RNF6: variants seen among roughly 807,000 people sequenced by gnomAD.
RNF6 encodes the protein ring finger protein 6.
RNF6 carries 21 observed loss-of-function variants against 50.1 expected under a neutral mutation model. That is an observed-to-expected ratio of 0.42 (90% confidence interval 0.30 to 0.60). The LOEUF is 0.60. RNF6 is among the 20% of genes least tolerant of loss of function. RNF6 has a pLI of 0.20. For synonymous variants in RNF6, 255 were observed against 291.8 expected, an observed-to-expected ratio of 0.87 and a Z score of 1.29; for missense variants, 698 against 838.2, an observed-to-expected ratio of 0.83 and a Z score of 2.07.
chr13:26,205,547 A>C (rs371791711), intron 5 of RNF6, among the ~76,000 whole-genome samples: 1 of 152,336 alleles, frequency 6.6e-6, no homozygotes. Context: ...CGTGGTCAAG[A>C]TAGTGAAACC....
At chr13:26,138,832 T>C (rs188018422) in intron 5 of RNF6, among the ~76,000 whole-genome samples, 1 of 152,350 alleles carries the variant, frequency 6.6e-6, no homozygotes, top group East Asian at 1.9e-4. Flanking sequence ...GTTTCTGGAT[T>C]CTCCACTGTC....
chr13:26,136,343 G>T (rs1475480802), intron 5 of RNF6, among the ~76,000 whole-genome samples: 3 of 152,162 alleles, frequency 2.0e-5, no homozygotes, highest in African/African-American at 4.8e-5. Context: ...TCTAAAATGG[G>T]TCCATTATAA....
chr13:26,218,392 T>C, intron 4 of RNF6, 119 bp downstream of exon 4: 1 of 714,698 alleles, frequency 1.4e-6, no homozygotes, highest in Non-Finnish European at 2.5e-6. Flanking sequence ...ATTATCTGAA[T>C]GAGTATCACA....
At chr13:26,178,518 G>C (rs568606763) in intron 5 of RNF6, among the ~76,000 whole-genome samples, 2 of 151,302 alleles carry the variant, frequency 1.3e-5, no homozygotes, top group Non-Finnish European at 2.9e-5. Flanking sequence ...GGGCGGGGGT[G>C]GGGGAGGGCA....
At chr13:26,165,873 G>C (rs746488943) in intron 5 of RNF6, among the ~76,000 whole-genome samples, 35 of 152,204 alleles carry the variant, frequency 2.3e-4, no homozygotes, top group Non-Finnish European at 4.4e-4. Flanking sequence ...TCTCAGATGA[G>C]ACTTTGGACT....
chr13:26,178,289 G>T (rs1317918688), intron 5 of RNF6, among the ~76,000 whole-genome samples: 1 of 152,184 alleles, frequency 6.6e-6, no homozygotes, highest in Non-Finnish European at 1.5e-5. Flanking sequence ...CAAGATCCCA[G>T]CAGTCAGTGT....
intron 5 of RNF6, among the ~76,000 whole-genome samples, chr13:26,165,431 C>T (rs1469425844): frequency 1.3e-5 from 2 of 152,324 alleles, no homozygotes; most frequent in East Asian, 3.9e-4. Context: ...TCTACTGCGG[C>T]ACTGCCTAGT....
chr13:26,184,012 A>ATTTT (rs1873377730), intron 5 of RNF6, among the ~76,000 whole-genome samples: 1 of 30,608 alleles, frequency 3.3e-5, no homozygotes, highest in African/African-American at 1.3e-4. Flanking sequence ...ATATATATAT[A>ATTTT]TATATATTTT....
chr13:26,132,709 T>C (rs1331680383), intron 5 of RNF6, among the ~76,000 whole-genome samples: 1 of 152,188 alleles, frequency 6.6e-6, no homozygotes, highest in Non-Finnish European at 1.5e-5. Flanking sequence ...GTACTGAAAG[T>C]ATTGTTTTTG....
In RNF6 at chr13:26,166,220, C is replaced by T. The variant is rs535378367; in HGVS notation, n.769-33769G>A. ...CATGTGAGATGTGCCTTTCACCTTC[C>T]GCCATGATTGTGGGGCCTCCCCAGC... On this transcript the variant is annotated intron_variant and non_coding_transcript_variant, in intron 5 of 5. Transcript: ENST00000468480. Among the ~76,000 whole-genome samples the T allele has an allele frequency of 9.2e-5, 14 of 152,274 alleles. No homozygotes were observed. In the East Asian group the frequency reaches 1.9e-3, roughly 21 times the overall value.
intron 5 of RNF6, among the ~76,000 whole-genome samples, chr13:26,148,619 A>T (rs1871372947): frequency 1.3e-5 from 1 of 76,214 alleles, no homozygotes. Context: ...TAGAAACAAT[A>T]GTATAAATCT....
intron 5 of RNF6, among the ~76,000 whole-genome samples, chr13:26,172,153 C>G (rs1330015770): frequency 6.6e-6 from 1 of 151,776 alleles, no homozygotes; most frequent in Admixed American, 6.6e-5. Flanking sequence ...AAAAATACAC[C>G]AAGGGAAAGT....
chr13:26,188,622 G>GTTTTTT (rs1566427058), intron 5 of RNF6, among the ~76,000 whole-genome samples: 12 of 55,938 alleles, frequency 2.1e-4, no homozygotes, highest in African/African-American at 8.4e-4. Context: ...AGTCAAAAGA[G>GTTTTTT]CTTTTTTTTT....
chr13:26,173,771 T>G (rs1028604190), intron 5 of RNF6, among the ~76,000 whole-genome samples: 12 of 151,806 alleles, frequency 7.9e-5, no homozygotes, highest in Non-Finnish European at 1.6e-4. Context: ...GCCAACATGG[T>G]GAAACCCCGG....
At chr13:26,177,177 A>G (rs1181738874) in intron 5 of RNF6, among the ~76,000 whole-genome samples, 3 of 152,168 alleles carry the variant, frequency 2.0e-5, no homozygotes, top group African/African-American at 7.2e-5. Context: ...CTGTGAGAGA[A>G]CACATCTATG....
downstream of RNF6, among the ~76,000 whole-genome samples, chr13:26,210,247 C>T (rs1213197231): frequency 6.6e-6 from 1 of 152,246 alleles, no homozygotes; most frequent in Non-Finnish European, 1.5e-5. Context: ...GAGCCACCTA[C>T]TACTGCAAAG....
chr13:26,186,423 G>A (rs1873530452), intron 5 of RNF6, among the ~76,000 whole-genome samples: 1 of 152,246 alleles, frequency 6.6e-6, no homozygotes, highest in African/African-American at 2.4e-5. Context: ...GAGCAAGAGC[G>A]GGACGCGCCG....
intron 5 of RNF6, among the ~76,000 whole-genome samples, chr13:26,148,510 A>T (rs1871368256): frequency 6.6e-6 from 1 of 150,936 alleles, no homozygotes; most frequent in Non-Finnish European, 1.5e-5. Context: ...ACATTCCAGA[A>T]ACCCCAGAAT....
intron 5 of RNF6, among the ~76,000 whole-genome samples, chr13:26,151,621 CTTTT>C (rs10682446): frequency 2.6e-4 from 36 of 139,586 alleles, no homozygotes; most frequent in African/African-American, 6.3e-4. Flanking sequence ...TTCTTTTTTT[CTTTT>C]TTTTTTTTTG....
Sources: gnomAD v4.1 joint callset for allele counts (sites outside exome capture counted in the v4.1 genomes callset) on GRCh38, gnomAD v4.1.1 for gene constraint, MANE v1.5 for transcripts, NCBI Gene and HGNC (gene_info 2026-07-23, HGNC 2026-07-21) for gene names.